Variants in FARP2 observed in about 807,000 individuals in gnomAD.
The protein encoded by FARP2 is FERM, ARHGEF and pleckstrin domain-containing protein 2.
In FARP2, 111 loss-of-function variants were observed where a neutral mutation model predicts 130.5. That is an observed-to-expected ratio of 0.85 (90% CI 0.73 to 1.00). The LOEUF (loss-of-function observed/expected upper bound fraction) is 1.00, where lower values mean the gene tolerates loss of function less well. Ranked by LOEUF, FARP2 falls within the 50% of genes least tolerant of loss-of-function variation. The pLI is 0.00. For missense variants in FARP2, 1,385 were observed against 1,346.3 expected (o/e 1.03, Z -0.45); for synonymous variants, 504 against 516.9 (o/e 0.98, Z 0.34).
intron 1 of FARP2, among the ~76,000 whole-genome samples, chr2:241,368,547 C>T (rs79941350): frequency 0.016 from 2,472 of 152,264 alleles, 58 homozygotes; most frequent in African/African-American, 0.043. Context: ...ACAGCCTCAG[C>T]CTCCCGAGTA....
intron 21 of FARP2, chr2:241,488,584 TAG>T (rs1179230158): frequency 6.6e-6 from 1 of 152,122 alleles, no homozygotes; most frequent in Non-Finnish European, 1.5e-5. Flanking sequence ...GTATTTTTAG[TAG>T]AGACGGGGTT....
chr2:241,380,766 G>A (rs2022838761), intron 2 of FARP2, among the ~76,000 whole-genome samples: 2 of 151,798 alleles, frequency 1.3e-5, no homozygotes, highest in Non-Finnish European at 2.9e-5. Flanking sequence ...CCTCTGAATT[G>A]CCACTACCCT....
chr2:241,400,017 C>A (rs935534034), intron 2 of FARP2, among the ~76,000 whole-genome samples: 2 of 152,180 alleles, frequency 1.3e-5, no homozygotes, highest in Non-Finnish European at 2.9e-5. Context: ...TATTTACAAA[C>A]CCTGTCCTGG....
intron 18 of FARP2, among the ~76,000 whole-genome samples, chr2:241,472,130 T>C (rs1344085330): frequency 2.6e-5 from 4 of 151,646 alleles, no homozygotes; most frequent in African/African-American, 9.7e-5. Flanking sequence ...GGTAGTGCTG[T>C]TTTGAGGGGA....
At chr2:241,401,802 G>A (rs569901179) in intron 2 of FARP2, among the ~76,000 whole-genome samples, 1 of 86,216 alleles carries the variant, frequency 1.2e-5, no homozygotes, top group South Asian at 3.6e-4. Flanking sequence ...TTTTTTTTTT[G>A]AGACGGAGTT....
chr2:241,390,981 C>G lies in FARP2; in HGVS notation c.184-12847C>G, dbSNP rs2150327690. Reference sequence around the variant, plus strand: ...AGGCTTCCCTTCTGAAAATGACAGCCACCTGGCCACAGGGCTGTGGGAGTG... The same window carrying G: ...AGGCTTCCCTTCTGAAAATGACAGCGACCTGGCCACAGGGCTGTGGGAGTG... On this transcript the variant is annotated intron_variant, in intron 2 of 26. Transcript: ENST00000264042. Among the ~76,000 whole-genome samples, 2 of 152,294 alleles carry G rather than the reference C, an allele frequency of 1.3e-5. 1 individual carries two copies. Among genetic ancestry groups the G allele is most frequent in the Admixed American group, 1.3e-4 (2 of 15,294 alleles).
chr2:241,356,482 G>C (rs531285692), intron 1 of FARP2, 94 bp downstream of exon 1: 13 of 152,454 alleles, frequency 8.5e-5, no homozygotes, highest in East Asian at 5.8e-4. Context: ...GGCCCAGGCG[G>C]GGGGGGCGCT....
rs1214186447 is a variant in FARP2 at position 241,468,074 on chromosome 2, C to T, written c.1894-66C>T. The T allele has an allele frequency of 3.7e-6, 4 of 1,094,384 alleles. No individual in the cohort carries two copies. The African/African-American group carries it at 4.6e-5, about 13-fold the overall frequency. The allele number at this position is 1,094,384 out of a possible 1,614,324, so 67.8% of individuals were successfully genotyped here. On this transcript the variant is annotated intron_variant, in intron 17 of 26. Transcript: ENST00000264042. The stretch of plus-strand genomic sequence containing the variant: ...AGCCGGCACCTGCCATCAAGGAAAA[C>T]AGGCCAGTCTCCCCCTGGACTCCTA...
intron 23 of FARP2, 141 bp from the exon 24 acceptor site, chr2:241,491,373 GTT>G: frequency 1.1e-6 from 1 of 950,526 alleles, no homozygotes; most frequent in Non-Finnish European, 1.6e-6. Flanking sequence ...AGCACCTGTA[GTT>G]TTGCTCTCAG....
intron 13 of FARP2, chr2:241,446,021 C>T (rs995923380): frequency 7.2e-5 from 11 of 152,308 alleles, no homozygotes; most frequent in Non-Finnish European, 1.3e-4. Context: ...ATATACTCTG[C>T]TTTAGGTAGA....
At chr2:241,417,871 T>G (rs1448475470) in intron 7 of FARP2, 91 bp from the exon 8 acceptor site, 1 of 1,401,128 alleles carries the variant, frequency 7.1e-7, no homozygotes, top group African/African-American at 1.4e-5. Context: ...AAGCCTTCAT[T>G]GTTGGTTTTC....
At chr2:241,417,514 G>C (rs980920452) in intron 7 of FARP2, among the ~76,000 whole-genome samples, 9 of 152,106 alleles carry the variant, frequency 5.9e-5, no homozygotes, top group African/African-American at 2.2e-4. Context: ...GCAGAGACAG[G>C]GTTTCGCCAT....
At chr2:241,404,694 G>A in intron 3 of FARP2, 105 bp from the exon 4 acceptor site, 1 of 828,904 alleles carries the variant, frequency 1.2e-6, no homozygotes, top group South Asian at 1.7e-5. Flanking sequence ...AAATTTTCCT[G>A]ACATAAAAAT....
chr2:241,388,138 A>G (rs2061831726), intron 2 of FARP2, among the ~76,000 whole-genome samples: 1 of 152,220 alleles, frequency 6.6e-6, no homozygotes, highest in Non-Finnish European at 1.5e-5. Flanking sequence ...AATCTCAGAA[A>G]AGAAAAAAGT....
chr2:241,452,855 C>T (rs1159865857), intron 13 of FARP2, among the ~76,000 whole-genome samples: 2 of 146,070 alleles, frequency 1.4e-5, no homozygotes, highest in East Asian at 2.1e-4. Context: ...GCACGAGAAT[C>T]GCTTGAACCC....
At position 241,475,968 on chromosome 2, in the gene FARP2, ACCTCATTGCT is replaced by A. The variant is rs1574897693; in HGVS notation, c.2247_2256del (p.Ile750AlafsTer95). On this transcript the variant is annotated frameshift_variant, in exon 19 of 27. Coordinates refer to ENST00000264042, the MANE Select transcript of FARP2 (RefSeq NM_014808.4). LOFTEE classifies it high-confidence loss of function. This position sits in a 1 kb window ranked among gnomAD's most constrained non-coding sequence, Gnocchi z 4.4. ...CAGCGGGACCTGGTGGGCATAGAGA[ACCTCATTGCT>A]CCTGGCAGGGTGAGTGACCTTGCTC... The A allele has an allele frequency of 6.2e-7, 1 of 1,613,210 alleles. No homozygotes were observed. Among genetic ancestry groups the A allele is most frequent in the African/African-American group, 1.3e-5 (1 of 74,910 alleles).
At chr2:241,415,339 C>T (rs575387049) in intron 7 of FARP2, among the ~76,000 whole-genome samples, 3 of 152,252 alleles carry the variant, frequency 2.0e-5, no homozygotes, top group African/African-American at 7.2e-5. Flanking sequence ...GAGCCAAGGG[C>T]CCTCTGCTAG....
chr2:241,463,260 A>G (rs751644005), intron 15 of FARP2, 75 bp from the exon 16 acceptor site: 43 of 1,539,462 alleles, frequency 2.8e-5, no homozygotes, highest in Admixed American at 1.6e-4. Flanking sequence ...ACCTATGGCT[A>G]CAGGCCCTCA....
At chr2:241,456,617 C>A in intron 13 of FARP2, 130 bp from the exon 14 acceptor site, 3 of 799,298 alleles carry the variant, frequency 3.8e-6, no homozygotes, top group African/African-American at 1.7e-5. Flanking sequence ...TGTACATACA[C>A]ATTTTACAGG....
Sources: allele counts gnomAD v4.1 joint callset (sites outside exome capture counted in the v4.1 genomes callset), GRCh38; gene constraint gnomAD v4.1.1; non-coding constraint Gnocchi (gnomAD v3.1); transcripts MANE v1.5; gene names NCBI Gene and HGNC (gene_info 2026-07-23, HGNC 2026-07-21).